STK36: variants seen among roughly 807,000 people sequenced by gnomAD.
The protein encoded by STK36 is serine/threonine kinase 36.
In STK36, 116 loss-of-function variants were observed where a neutral mutation model predicts 142.2. That is an observed-to-expected ratio of 0.82 (90% CI 0.70 to 0.95). The LOEUF (loss-of-function observed/expected upper bound fraction) is 0.95, where lower values mean the gene tolerates loss of function less well. Ranked by LOEUF, STK36 falls within the 40% of genes least tolerant of loss-of-function variation. STK36 has a pLI of 0.00. For synonymous variants in STK36, 619 were observed against 641.7 expected, an observed-to-expected ratio of 0.96 and a Z score of 0.53; for missense variants, 1,422 against 1,617.2, an observed-to-expected ratio of 0.88 and a Z score of 2.07.
At position 218,679,640 on chromosome 2, in the gene STK36, G is replaced by A. The variant is rs200641440; in HGVS notation, c.859G>A (p.Glu287Lys). ...CCCAGAACTTCAGGTCCTAAAGGAC[G>A]AACAGGCCCATCGGTTGGCCCCCAA... ...LPPELQVLKD[E>K]QAHRLAPKGN... The change falls in exon 8 of 27, where the codon GAA becomes AAA. Residue 287 changes from glutamate to lysine, a missense_variant. Glu to Lys is a moderately conservative substitution (Grantham distance 56). Transcript: ENST00000295709. 24 of 1,614,028 alleles carry A rather than the reference G, an allele frequency of 1.5e-5. No individual in the cohort carries two copies. The highest frequency in any genetic ancestry group is 1.6e-4 in the Middle Eastern group (1 of 6,084).
intron 21 of STK36, among the ~76,000 whole-genome samples, chr2:218,696,110 C>T (rs1476654489): frequency 7.9e-5 from 12 of 152,126 alleles, no homozygotes; most frequent in Admixed American, 7.9e-4. Flanking sequence ...GATCCCCCCG[C>T]CTCAGCCTCC....
At chr2:218,682,139 C>G (rs1346173609) in intron 10 of STK36, among the ~76,000 whole-genome samples, 2 of 152,120 alleles carry the variant, frequency 1.3e-5, no homozygotes, top group Non-Finnish European at 2.9e-5. Flanking sequence ...GTTGGCTAGG[C>G]TGGTCTCAAA....
Position 218,676,228 on chromosome 2 carries a change from A to T in STK36, c.634A>T (p.Ile212Phe). 6.2e-7 allele frequency: 1 copy of T among 1,614,202 alleles called. No homozygotes were observed. Among genetic ancestry groups the T allele is most frequent in the Non-Finnish European group, 8.5e-7 (1 of 1,180,044 alleles). ...ATSIFQLVSLILKDPVRWPST... is the reference protein window; with the variant it reads ...ATSIFQLVSLFLKDPVRWPST... ...AAGCATCTTTCAGCTGGTCAGCCTC[A>T]TTCTCAAGGACCCTGTGCGCTGGCC... is the stretch of plus-strand genomic sequence containing the variant. The change falls in exon 6 of 27, where the codon ATT (isoleucine) becomes TTT (phenylalanine). Residue 212 changes from isoleucine (I) to phenylalanine (F), a missense_variant. By Grantham distance (21) the Ile-to-Phe change is conservative. This residue lies in a region of STK36 where 460 missense variants were observed against 449.6 expected (regional missense o/e 1.02). Coordinates refer to ENST00000295709, the MANE Select transcript of STK36 (RefSeq NM_015690.5).
chr2:218,687,463 C>G (rs1940822358), intron 11 of STK36, among the ~76,000 whole-genome samples: 1 of 152,186 alleles, frequency 6.6e-6, no homozygotes, highest in African/African-American at 2.4e-5. Flanking sequence ...ATCGTTTTTG[C>G]ATGTGGATAT....
intron 11 of STK36, among the ~76,000 whole-genome samples, chr2:218,687,895 C>T (rs1169200651): frequency 5.9e-5 from 9 of 152,308 alleles, no homozygotes; most frequent in East Asian, 1.9e-4. Context: ...TGGTGGCTCA[C>T]GCCTGTAATC....
At chr2:218,697,684 C>T in intron 24 of STK36, 74 bp downstream of exon 24, 1 of 1,601,396 alleles carries the variant, frequency 6.2e-7, no homozygotes, top group East Asian at 2.2e-5. Context: ...AAAGAAGTTA[C>T]TGACAGATTG....
In STK36 at chr2:218,694,482, T is replaced by G; in HGVS notation, c.2401-43T>G. Reference sequence around the variant, plus strand: ...TCCTCTCTGCCTGTCCTGAATGCCATTTAGATTTGGACATTCTTTCTCCTC... The same window carrying G: ...TCCTCTCTGCCTGTCCTGAATGCCAGTTAGATTTGGACATTCTTTCTCCTC... On this transcript the variant is annotated intron_variant, in intron 20 of 26. Transcript: ENST00000295709. This position sits in a 1 kb window ranked among gnomAD's most constrained non-coding sequence, Gnocchi z 4.4. The G allele has an allele frequency of 1.9e-6, 3 of 1,586,490 alleles. No individual in the cohort carries two copies. The highest frequency in any genetic ancestry group is 2.6e-6 in the Non-Finnish European group (3 of 1,154,994).
Position 218,698,679 on chromosome 2 carries a change from C to T in STK36, c.3135C>T (p.Pro1045=), listed in dbSNP as rs750580461. The T allele has an allele frequency of 1.2e-5, 20 of 1,614,080 alleles. No homozygotes were observed. The East Asian group carries it at 1.8e-4, about 14-fold the overall frequency. The change falls in exon 26 of 27, where the codon CCC becomes CCT. Residue 1045 remains proline (P), a synonymous_variant. Transcript: ENST00000295709. ...TCACACGCCTGGCCCTCATGGATCC[C>T]ACCTCTCTCAACCAGTTTGTGAACA... is the stretch of plus-strand genomic sequence containing the variant. The part of the protein sequence containing the change: ...SLLTRLALMD[P]TSLNQFVNTV...
chr2:218,687,391 G>A (rs1940819551), intron 11 of STK36, among the ~76,000 whole-genome samples: 1 of 152,210 alleles, frequency 6.6e-6, no homozygotes, highest in African/African-American at 2.4e-5. Context: ...GCTCTTACAT[G>A]TAGGTTTCTG....
chr2:218,672,635 A>G (rs1940038068), intron 1 of STK36, 106 bp from the exon 2 acceptor site: 2 of 562,988 alleles, frequency 3.6e-6, no homozygotes, highest in East Asian at 6.1e-5. Flanking sequence ...CCAAGAGCGC[A>G]TCATCTTTGC....
chr2:218,692,378 C>T (rs1462898620), intron 15 of STK36, 85 bp downstream of exon 15: 13 of 1,559,020 alleles, frequency 8.3e-6, no homozygotes, highest in African/African-American at 4.1e-5. Flanking sequence ...TCACCTAGAT[C>T]GCACCTGGCA....
At chr2:218,701,738 C>T in intron 26 of STK36, 128 bp from the exon 27 acceptor site, 1 of 1,117,330 alleles carries the variant, frequency 8.9e-7, no homozygotes, top group Non-Finnish European at 1.3e-6. Context: ...TCCCCAAGAG[C>T]CCATTTCCTT....
chr2:218,696,559 C>G lies in STK36; in HGVS notation c.2544C>G (p.Phe848Leu). The G allele has an allele frequency of 6.2e-7, 1 of 1,614,156 alleles. No homozygotes were observed. The highest frequency in any genetic ancestry group is 8.5e-7 in the Non-Finnish European group (1 of 1,180,008). The change falls in exon 22 of 27, where the codon TTC (phenylalanine) becomes TTG (leucine). Residue 848 changes from phenylalanine (F) to leucine (L), a missense_variant. Transcript: ENST00000295709. ...VRLTPPGSCG[F>L]YDGLLILLLQ... ...TGACTCCACCAGGTAGTTGTGGATT[C>G]TATGATGGCCTCCTTATCCTTCTGT...
rs367681140 is a variant in STK36, at chr2:218,694,381, G to T, written c.2400+54G>T. 413 of 1,557,088 alleles carry T rather than the reference G, an allele frequency of 2.7e-4. 1 individual carries two copies. Among genetic ancestry groups the T allele is most frequent in the Middle Eastern group, 5.0e-4 (3 of 5,958 alleles). Reference sequence around the variant, plus strand: ...CTTTTCACCCTAGCATCTACCCCTTGTGGAAGTGGGGGAGTCACTATCCAA... The same window carrying T: ...CTTTTCACCCTAGCATCTACCCCTTTTGGAAGTGGGGGAGTCACTATCCAA... On this transcript the variant is annotated intron_variant, in intron 20 of 26. Coordinates refer to ENST00000295709, the MANE Select transcript of STK36 (RefSeq NM_015690.5). This position sits in a 1 kb window ranked among gnomAD's most constrained non-coding sequence, Gnocchi z 4.4.
At chr2:218,692,831 A>C in intron 16 of STK36, 121 bp downstream of exon 16, 4 of 1,342,208 alleles carry the variant, frequency 3.0e-6, no homozygotes, top group Non-Finnish European at 4.0e-6. Flanking sequence ...TACTTCCAGA[A>C]ACAGATGCTC....
chr2:218,680,622 G>T lies in STK36; in HGVS notation c.1156G>T (p.Asp386Tyr). ...SAPRENRTTP[D>Y]CERAFPEERP... ...CGGCAGGGAAAACCGGACCACCCCA[G>T]ATTGTGAACGAGCATTCCCAGAGGA... Residue 386 changes from aspartate (D) to tyrosine (Y), a missense_variant, in exon 10 of 27, where the codon GAT (aspartate) becomes TAT (tyrosine). Transcript: ENST00000295709. The T allele has an allele frequency of 6.2e-7, 1 of 1,613,454 alleles. No homozygotes were observed. Among genetic ancestry groups the T allele is most frequent in the Non-Finnish European group, 8.5e-7 (1 of 1,179,838 alleles).
chr2:218,686,142 T>C (rs912132334), intron 11 of STK36, among the ~76,000 whole-genome samples: 15 of 152,264 alleles, frequency 9.9e-5, no homozygotes, highest in African/African-American at 3.6e-4. Context: ...TGTTTCACCA[T>C]CTTAGCCAGG....
At chr2:218,676,679 C>T (rs897358258) in intron 6 of STK36, among the ~76,000 whole-genome samples, 2 of 141,064 alleles carry the variant, frequency 1.4e-5, no homozygotes, top group Non-Finnish European at 1.5e-5. Context: ...GACAGAGTCT[C>T]GCTCTGTCAC....
In STK36 at chr2:218,697,495, A is replaced by T. The variant is rs756550017; in HGVS notation, c.2794A>T (p.Thr932Ser). 27 of 1,614,034 alleles carry T rather than the reference A, an allele frequency of 1.7e-5. No homozygotes were observed. In the Admixed American group the frequency reaches 4.3e-4, roughly 26 times the overall value. Residue 932 changes from threonine (T) to serine (S), a missense_variant, in exon 24 of 27, where the codon ACC (threonine) becomes TCC (serine). Around this residue, in one of 2 missense-constraint regions of STK36, gnomAD observed 962 missense variants for 1,167.5 expected, o/e 0.82. Transcript: ENST00000295709. ...MAALLSLAMA[T>S]FTQEPQLCLS... ...AGCCCTGCTGAGCCTGGCCATGGCCACCTTTACCCAGGAGCCCCAGTTATG... is the reference window on the plus strand; with the variant it reads ...AGCCCTGCTGAGCCTGGCCATGGCCTCCTTTACCCAGGAGCCCCAGTTATG...
Sources: gnomAD v4.1 joint callset for allele counts (sites outside exome capture counted in the v4.1 genomes callset) on GRCh38, gnomAD v4.1.1 for gene constraint, gnomAD v4.1.1 regional missense constraint, Gnocchi (gnomAD v3.1) non-coding constraint, MANE v1.5 for transcripts, NCBI Gene and HGNC (gene_info 2026-07-23, HGNC 2026-07-21) for gene names.